The following SPMIP2 variants were observed in gnomAD, a reference collection of about 807,000 sequenced individuals.
SPMIP2 encodes sperm microtubule inner protein 2.
the SPMIP2 span, among the ~76,000 whole-genome samples, chr4:159,041,780 T>C: frequency 2.0e-5 from 3 of 152,350 alleles, no homozygotes; most frequent in East Asian, 1.9e-4. Flanking sequence ...ACAAATATAA[T>C]TGGACACTTA....
the SPMIP2 span, among the ~76,000 whole-genome samples, chr4:159,062,774 C>T: frequency 0.35 from 51,332 of 146,096 alleles, 10,094 homozygotes; most frequent in East Asian, 0.6. Flanking sequence ...CTACAACCTC[C>T]GCCTTCCAGG....
At chr4:159,045,157 T>TAC in the SPMIP2 span, among the ~76,000 whole-genome samples, 3 of 151,096 alleles carry the variant, frequency 2.0e-5, no homozygotes, top group African/African-American at 7.3e-5. Context: ...GGATTTCAGA[T>TAC]GTAGATACAT....
the SPMIP2 span, chr4:159,034,901 A>G: frequency 1.4e-6 from 1 of 697,578 alleles, no homozygotes; most frequent in Non-Finnish European, 2.4e-6. Flanking sequence ...AAAAAAAAAA[A>G]CCCAAAAAAC....
chr4:158,989,490 G>T, the SPMIP2 span, among the ~76,000 whole-genome samples: 18 of 152,176 alleles, frequency 1.2e-4, no homozygotes, highest in Middle Eastern at 3.4e-3. Context: ...ATACTACAAG[G>T]CTACAGTAAC....
At chr4:159,044,098 T>C in the SPMIP2 span, among the ~76,000 whole-genome samples, 2 of 151,676 alleles carry the variant, frequency 1.3e-5, no homozygotes, top group Non-Finnish European at 1.5e-5. Flanking sequence ...ACTTTTCTTG[T>C]TGTATATTTT....
chr4:158,977,967 G>T, the SPMIP2 span, among the ~76,000 whole-genome samples: 1 of 152,036 alleles, frequency 6.6e-6, no homozygotes, highest in African/African-American at 2.4e-5. Context: ...GCTAGCTTTT[G>T]AATTTGTTTG....
At chr4:158,898,163 T>C in the SPMIP2 span, among the ~76,000 whole-genome samples, 1 of 152,182 alleles carries the variant, frequency 6.6e-6, no homozygotes, top group Non-Finnish European at 1.5e-5. Flanking sequence ...TGTGGTGGTA[T>C]TTCTGAGGCC....
the SPMIP2 span, among the ~76,000 whole-genome samples, chr4:158,924,215 T>A: frequency 6.6e-6 from 1 of 152,182 alleles, no homozygotes; most frequent in Non-Finnish European, 1.5e-5. Flanking sequence ...AGCCACCCAG[T>A]CTGTGGTACT....
the SPMIP2 span, among the ~76,000 whole-genome samples, chr4:158,944,351 C>T: frequency 6.6e-6 from 1 of 151,970 alleles, no homozygotes; most frequent in African/African-American, 2.4e-5. Flanking sequence ...AAGTAGACAT[C>T]TTATTTCTTA....
the SPMIP2 span, among the ~76,000 whole-genome samples, chr4:159,023,651 CAG>C: frequency 6.6e-6 from 1 of 152,192 alleles, no homozygotes; most frequent in South Asian, 2.1e-4. Flanking sequence ...GTATCACAGA[CAG>C]AATGTTCACA....
At chr4:158,936,181 A>C in the SPMIP2 span, among the ~76,000 whole-genome samples, 1 of 152,240 alleles carries the variant, frequency 6.6e-6, no homozygotes, top group Non-Finnish European at 1.5e-5. Flanking sequence ...GTTGACTAAA[A>C]ATAATTCTAA....
the SPMIP2 span, among the ~76,000 whole-genome samples, chr4:158,965,537 T>C: frequency 6.6e-6 from 1 of 152,172 alleles, no homozygotes; most frequent in Non-Finnish European, 1.5e-5. Context: ...TTGTTAATTC[T>C]AAGGTTAGGA....
the SPMIP2 span, chr4:159,025,991 C>G: frequency 6.3e-6 from 1 of 159,962 alleles, no homozygotes; most frequent in African/African-American, 2.4e-5. Context: ...TTTTTCACAT[C>G]CTGTTTCAAC....
the SPMIP2 span, among the ~76,000 whole-genome samples, chr4:159,032,787 T>TC: frequency 2.0e-5 from 3 of 151,742 alleles, no homozygotes; most frequent in Non-Finnish European, 2.9e-5. Flanking sequence ...CTTTCTTTTT[T>TC]TTTTTTTTTG....
At chr4:159,019,296 C>CAAAAAAAA in the SPMIP2 span, among the ~76,000 whole-genome samples, 1 of 100,240 alleles carries the variant, frequency 1.0e-5, no homozygotes, top group African/African-American at 3.9e-5. Context: ...GACTCCGTCT[C>CAAAAAAAA]AAAAAAAAAA....
At chr4:159,023,555 A>C in the SPMIP2 span, among the ~76,000 whole-genome samples, 1 of 152,204 alleles carries the variant, frequency 6.6e-6, no homozygotes, top group Admixed American at 6.5e-5. Context: ...AAATTTGGAG[A>C]TAATCTGGCT....
chr4:158,897,696 T>C, the SPMIP2 span, among the ~76,000 whole-genome samples: 1 of 152,232 alleles, frequency 6.6e-6, no homozygotes, highest in African/African-American at 2.4e-5. Flanking sequence ...GTTGTTTTTT[T>C]CTTGTAAATT....
chr4:158,933,489 C>T, the SPMIP2 span, among the ~76,000 whole-genome samples: 9,172 of 152,188 alleles, frequency 0.06, 338 homozygotes, highest in African/African-American at 0.1. Flanking sequence ...TTTGCCCCTC[C>T]TCCATATGCT....
chr4:158,989,788 A>C, the SPMIP2 span, among the ~76,000 whole-genome samples: 1 of 152,302 alleles, frequency 6.6e-6, no homozygotes, highest in South Asian at 2.1e-4. Flanking sequence ...CTAGAAGAAA[A>C]CCTAGGCAAT....
Sources: gnomAD v4.1 joint callset for allele counts (sites outside exome capture counted in the v4.1 genomes callset) on GRCh38, gnomAD v4.1.1 for gene constraint, MANE v1.5 for transcripts, NCBI Gene and HGNC (gene_info 2026-07-23, HGNC 2026-07-21) for gene names.